LRRC4C: variants seen among roughly 807,000 people sequenced by gnomAD.
The protein encoded by LRRC4C is leucine rich repeat containing 4C.
In LRRC4C, 5 loss-of-function variants were observed where a neutral mutation model predicts 33.6. The ratio of observed to expected loss-of-function variants is 0.15; its 90% CI spans 0.08 to 0.31. The LOEUF is 0.31. Among genes scored for constraint, LRRC4C ranks in the 10% least tolerant of loss-of-function variants. The pLI, the probability that LRRC4C is intolerant of heterozygous loss-of-function variation, is 1.00. For missense variants in LRRC4C, 560 were observed against 796.7 expected (o/e 0.70, Z 3.58); for synonymous variants, 329 against 302.0 (o/e 1.09, Z -0.93).
chr11:41,172,363 G>A (rs1365339868), intron 1 of LRRC4C, among the ~76,000 whole-genome samples: 1 of 152,080 alleles, frequency 6.6e-6, no homozygotes, highest in Non-Finnish European at 1.5e-5. Flanking sequence ...ATACCACAAG[G>A]CCATATGCTT....
At chr11:40,638,531 G>A in intron 3 of LRRC4C, among the ~76,000 whole-genome samples, 1 of 152,124 alleles carries the variant, frequency 6.6e-6, no homozygotes, top group East Asian at 1.9e-4. Context: ...ATGTGACAAT[G>A]CCTCGGACAT....
At chr11:40,898,766 T>A (rs1956080049) in intron 2 of LRRC4C, among the ~76,000 whole-genome samples, 1 of 147,026 alleles carries the variant, frequency 6.8e-6, no homozygotes, top group Non-Finnish European at 1.5e-5. Flanking sequence ...CTTGCTTTAT[T>A]TGATAAAGAA....
At chr11:40,197,754 G>A (rs969706995) in intron 5 of LRRC4C, among the ~76,000 whole-genome samples, 2 of 152,128 alleles carry the variant, frequency 1.3e-5, no homozygotes, top group Non-Finnish European at 2.9e-5. Context: ...TGCTAGGAGA[G>A]TATGTTTTAT....
At chr11:40,825,528 T>C (rs1212221919) in intron 2 of LRRC4C, among the ~76,000 whole-genome samples, 2 of 151,918 alleles carry the variant, frequency 1.3e-5, no homozygotes, top group Non-Finnish European at 2.9e-5. Context: ...AATCATACAC[T>C]GGCTATAACA....
intron 1 of LRRC4C, among the ~76,000 whole-genome samples, chr11:41,272,633 A>C (rs1949357055): frequency 6.6e-6 from 1 of 152,154 alleles, no homozygotes. Flanking sequence ...ACGTATTAAA[A>C]AAACTGCTTA....
At chr11:40,497,581 C>A (rs1053737616) in intron 3 of LRRC4C, among the ~76,000 whole-genome samples, 1 of 152,110 alleles carries the variant, frequency 6.6e-6, no homozygotes, top group African/African-American at 2.4e-5. Context: ...GGTGAAGCTA[C>A]AAAAGAAATG....
chr11:40,226,222 T>C (rs908767493), intron 5 of LRRC4C, among the ~76,000 whole-genome samples: 1 of 152,204 alleles, frequency 6.6e-6, no homozygotes, highest in African/African-American at 2.4e-5. Flanking sequence ...CATTCCACTA[T>C]GACTCAGATG....
chr11:40,290,436 C>T (rs1479708420), intron 4 of LRRC4C, among the ~76,000 whole-genome samples: 2 of 151,956 alleles, frequency 1.3e-5, no homozygotes, highest in Non-Finnish European at 2.9e-5. Flanking sequence ...AAACATGTGC[C>T]CAGAAAAATA....
intron 2 of LRRC4C, among the ~76,000 whole-genome samples, chr11:40,678,462 G>A (rs888434697): frequency 9.9e-5 from 15 of 151,990 alleles, no homozygotes; most frequent in Admixed American, 9.8e-4. Context: ...TTAGGATTAC[G>A]TATTCTATAT....
chr11:40,934,853 C>A (rs1445190486), intron 1 of LRRC4C, among the ~76,000 whole-genome samples: 1 of 152,118 alleles, frequency 6.6e-6, no homozygotes, highest in Middle Eastern at 3.2e-3. Flanking sequence ...TGCTAATAAG[C>A]TATTTATATT....
At chr11:40,536,742 G>T (rs1164410379) in intron 3 of LRRC4C, among the ~76,000 whole-genome samples, 3 of 150,936 alleles carry the variant, frequency 2.0e-5, no homozygotes, top group South Asian at 2.1e-4. Flanking sequence ...TCTCCTTTAG[G>T]TGAACACAAT....
At chr11:40,893,084 G>A (rs996944397) in intron 2 of LRRC4C, among the ~76,000 whole-genome samples, 6 of 151,712 alleles carry the variant, frequency 4.0e-5, no homozygotes, top group Middle Eastern at 3.5e-3. Flanking sequence ...CAATATGAAC[G>A]GGACTGAAGG....
intron 1 of LRRC4C, among the ~76,000 whole-genome samples, chr11:41,059,082 A>G (rs1249644374): frequency 6.6e-6 from 1 of 152,110 alleles, no homozygotes; most frequent in Non-Finnish European, 1.5e-5. Flanking sequence ...CAGGGTAAAG[A>G]AAAAAAGACT....
chr11:41,454,690 C>A (rs1292442139), intron 1 of LRRC4C, among the ~76,000 whole-genome samples: 1 of 152,036 alleles, frequency 6.6e-6, no homozygotes, highest in Non-Finnish European at 1.5e-5. Flanking sequence ...TTAGGCTGCT[C>A]CAGAAAAGGG....
At chr11:41,389,448 T>C (rs954343555) in intron 1 of LRRC4C, among the ~76,000 whole-genome samples, 6 of 151,632 alleles carry the variant, frequency 4.0e-5, no homozygotes, top group Admixed American at 2.0e-4. Context: ...CAATTAAATA[T>C]AGGACATAGC....
intron 5 of LRRC4C, among the ~76,000 whole-genome samples, chr11:40,179,810 T>C (rs756029496): frequency 1.4e-4 from 21 of 152,218 alleles, no homozygotes; most frequent in Admixed American, 8.5e-4. Context: ...TATAATTAGA[T>C]ATAGGAGCTG....
chr11:41,417,253 G>C (rs944747843), intron 1 of LRRC4C, among the ~76,000 whole-genome samples: 3 of 152,094 alleles, frequency 2.0e-5, no homozygotes, highest in Admixed American at 6.6e-5. Context: ...AATTATGACT[G>C]CAGGATACTA....
At chr11:41,239,915 C>A (rs963930121) in intron 1 of LRRC4C, among the ~76,000 whole-genome samples, 2 of 152,188 alleles carry the variant, frequency 1.3e-5, no homozygotes, top group African/African-American at 2.4e-5. Context: ...CTGCTAAGTA[C>A]AGTTCTAGTT....
intron 5 of LRRC4C, among the ~76,000 whole-genome samples, chr11:40,151,414 T>C (rs1314530927): frequency 6.6e-6 from 1 of 152,210 alleles, no homozygotes; most frequent in Non-Finnish European, 1.5e-5. Context: ...TAAGCCTCTA[T>C]GGAACTAGAG....
Sources: gnomAD v4.1 joint callset for allele counts (sites outside exome capture counted in the v4.1 genomes callset) on GRCh38, gnomAD v4.1.1 for gene constraint, MANE v1.5 for transcripts, NCBI Gene and HGNC (gene_info 2026-07-23, HGNC 2026-07-21) for gene names.